Variants in ITFG2 observed in about 807,000 individuals in gnomAD.
ITFG2 encodes integrin alpha FG-GAP repeat containing 2.
A neutral mutation model predicts 54.4 loss-of-function variants in ITFG2; 36 were observed. The ratio of observed to expected loss-of-function variants is 0.66; its 90% CI spans 0.51 to 0.87. The LOEUF (loss-of-function observed/expected upper bound fraction) is 0.87. ITFG2 is among the 40% of genes least tolerant of loss of function. The probability of loss-of-function intolerance (pLI) is 0.00; values close to 1 mark genes in which losing one functional copy is unlikely to be tolerated. For missense variants in ITFG2, 524 were observed against 576.7 expected (o/e 0.91, Z 0.94); for synonymous variants, 211 against 225.4 (o/e 0.94, Z 0.57).
intron 7 of ITFG2, 63 bp from the exon 8 acceptor site, chr12:2,821,480 C>T: frequency 6.3e-7 from 1 of 1,582,018 alleles, no homozygotes; most frequent in Non-Finnish European, 8.7e-7. Context: ...TGCAGAACAC[C>T]CCTCTCCCCG....
chr12:2,858,783 C>A, intron 3 of ITFG2: 1 of 1,614,216 alleles, frequency 6.2e-7, no homozygotes, highest in Non-Finnish European at 8.5e-7. Context: ...TGTCAGAGAA[C>A]GATTGGCTGC....
chr12:2,830,973 G>T, downstream of ITFG2: 1 of 1,108,916 alleles, frequency 9.0e-7, no homozygotes, highest in Non-Finnish European at 1.2e-6. Flanking sequence ...CCAGCCCTGA[G>T]CCTTACCCTA....
chr12:2,830,699 G>C, intron 2 of ITFG2: 1 of 1,605,108 alleles, frequency 6.2e-7, no homozygotes, highest in Non-Finnish European at 8.5e-7. Context: ...TCCCTGGGAG[G>C]CCTCTCACCT....
At chr12:2,815,941 T>C (rs1398854476) in intron 1 of ITFG2, among the ~76,000 whole-genome samples, 2 of 152,150 alleles carry the variant, frequency 1.3e-5, no homozygotes, top group African/African-American at 2.4e-5. Context: ...CATGGCTCAC[T>C]GCAGCTTCAG....
At chr12:2,821,500 A>T (rs1225321096) in intron 7 of ITFG2, 43 bp from the exon 8 acceptor site, 7 of 1,607,318 alleles carry the variant, frequency 4.4e-6, no homozygotes, top group Middle Eastern at 1.7e-4. Context: ...GTAGGCTCTG[A>T]CCTTGCCCTG....
At chr12:2,854,898 C>G (rs1485529754) in intron 2 of ITFG2, 2 of 1,533,236 alleles carry the variant, frequency 1.3e-6, no homozygotes, top group African/African-American at 1.4e-5. Context: ...CGTCTTACTT[C>G]TTGAAGCTCG....
At chr12:2,834,556 A>C, upstream of ITFG2, 1 of 1,502,524 alleles carries the variant, frequency 6.7e-7, no homozygotes, top group Admixed American at 2.4e-5. Context: ...GAGGGTCTGC[A>C]CTTTCTGGTC....
At chr12:2,844,946 G>A (rs2098050037) in intron 2 of ITFG2, among the ~76,000 whole-genome samples, 1 of 152,226 alleles carries the variant, frequency 6.6e-6, no homozygotes, top group African/African-American at 2.4e-5. Context: ...TTCTTTACAA[G>A]CGTGGAGGCG....
chr12:2,835,884 T>A (rs971810092), upstream of ITFG2, among the ~76,000 whole-genome samples: 6 of 152,206 alleles, frequency 3.9e-5, no homozygotes, highest in African/African-American at 1.4e-4. Context: ...ACTCACTGTA[T>A]TTATTCTTCT....
intron 1 of ITFG2, among the ~76,000 whole-genome samples, chr12:2,839,920 G>A (rs1331801720): frequency 2.6e-5 from 4 of 152,090 alleles, no homozygotes; most frequent in South Asian, 2.1e-4. Context: ...AAATGGACAC[G>A]AAGATGGGAA....
upstream of ITFG2, among the ~76,000 whole-genome samples, chr12:2,834,143 C>G (rs2098016643): frequency 6.6e-6 from 1 of 152,198 alleles, no homozygotes; most frequent in African/African-American, 2.4e-5. Context: ...GCCAGGGGCC[C>G]CCGGCAAGAG....
At chr12:2,822,693 C>G in intron 9 of ITFG2, 101 bp from the exon 10 acceptor site, 1 of 989,814 alleles carries the variant, frequency 1.0e-6, no homozygotes, top group Non-Finnish European at 1.6e-6. Context: ...GTTGCGTTTA[C>G]TGCCGAACCC....
At chr12:2,854,184 C>T (rs1385134150) in intron 2 of ITFG2, among the ~76,000 whole-genome samples, 4 of 152,160 alleles carry the variant, frequency 2.6e-5, no homozygotes, top group African/African-American at 4.8e-5. Flanking sequence ...CATCACCACA[C>T]CCGGCTAATT....
intron 2 of ITFG2, among the ~76,000 whole-genome samples, chr12:2,852,049 A>AG (rs1340247370): frequency 6.6e-6 from 1 of 152,100 alleles, no homozygotes; most frequent in African/African-American, 2.4e-5. Flanking sequence ...ATCAGGCAGG[A>AG]GTTTTTTTTT....
chr12:2,854,733 T>C (rs1039802715), intron 2 of ITFG2, among the ~76,000 whole-genome samples: 6 of 152,102 alleles, frequency 3.9e-5, no homozygotes, highest in African/African-American at 1.4e-4. Context: ...GTTCCTCCCT[T>C]GTCTCCACCT....
intron 9 of ITFG2, among the ~76,000 whole-genome samples, chr12:2,822,459 T>TAGG (rs2097948774): frequency 6.6e-6 from 1 of 152,232 alleles, no homozygotes; most frequent in Non-Finnish European, 1.5e-5. Flanking sequence ...AATATCACTG[T>TAGG]GGCCCCTGAA....
rs1415248787 is a variant in ITFG2, at chr12:2,845,719, C to T, written n.300+4724C>T. Among the ~76,000 whole-genome samples the T allele has an allele frequency of 6.6e-6, 1 of 152,142 alleles. No homozygotes were observed. Among genetic ancestry groups the T allele is most frequent in the East Asian group, 1.9e-4 (1 of 5,196 alleles). On this transcript the variant is annotated intron_variant and non_coding_transcript_variant, in intron 2 of 3. Transcript: ENST00000537710. This position sits in a 1 kb window ranked among gnomAD's most constrained non-coding sequence, Gnocchi z 4.2. ...CTCCAGCTGTGGTGAAAGAGTGGAT[C>T]TTTAGGCAGATACAGATACAGAGAT...
Position 2,857,101 on chromosome 12 carries a change from T to C in ITFG2, n.301-911T>C, listed in dbSNP as rs532693543. The C allele has an allele frequency of 7.1e-5, 50 of 702,468 alleles. No individual in the cohort carries two copies. The South Asian group carries it at 7.3e-4, about 10-fold the overall frequency. 43.5% of individuals were successfully genotyped at this position (702,468 alleles called of 1,614,324 possible). On this transcript the variant is annotated intron_variant and non_coding_transcript_variant, in intron 2 of 3. Coordinates refer to the ITFG2 transcript ENST00000537710. ...CTGGCACCATTGTTTACTCCTGGGG[T>C]TGCTATGGTGATGCTGCTTGAGTGG...
intron 2 of ITFG2, among the ~76,000 whole-genome samples, chr12:2,841,561 C>T (rs1365109324): frequency 1.3e-5 from 2 of 152,308 alleles, no homozygotes; most frequent in African/African-American, 4.8e-5. Flanking sequence ...GATACAGTAA[C>T]TACTAGACAT....
Sources: gnomAD v4.1 joint callset for allele counts (sites outside exome capture counted in the v4.1 genomes callset) on GRCh38, gnomAD v4.1.1 for gene constraint, Gnocchi (gnomAD v3.1) non-coding constraint, MANE v1.5 for transcripts, NCBI Gene and HGNC (gene_info 2026-07-23, HGNC 2026-07-21) for gene names.